PIK3CG: variants seen among roughly 807,000 people sequenced by gnomAD.
PIK3CG encodes phosphatidylinositol 4,5-bisphosphate 3-kinase catalytic subunit gamma isoform.
PIK3CG carries 55 observed loss-of-function variants against 102.3 expected under a neutral mutation model. The ratio of observed to expected loss-of-function variants is 0.54; its 90% CI spans 0.43 to 0.67. The LOEUF (loss-of-function observed/expected upper bound fraction) is 0.67, where lower values mean the gene tolerates loss of function less well. Ranked by LOEUF, PIK3CG falls within the 30% of genes least tolerant of loss-of-function variation. PIK3CG has a pLI of 0.00. For synonymous variants in PIK3CG, 552 were observed against 540.0 expected (o/e 1.02, Z -0.31); for missense variants, 1,258 against 1,391.8 (o/e 0.90, Z 1.53).
At chr7:106,878,738 G>A (rs1790844527) in intron 5 of PIK3CG, among the ~76,000 whole-genome samples, 1 of 152,180 alleles carries the variant, frequency 6.6e-6, no homozygotes, top group African/African-American at 2.4e-5. Context: ...TTCTTCCCCT[G>A]AATGTTTAAT....
Position 106,869,126 on chromosome 7 carries a change from A to C in PIK3CG, c.1565A>C (p.Asn522Thr), listed in dbSNP as rs61749915. 2 of 1,614,170 alleles carry C rather than the reference A, an allele frequency of 1.2e-6. No homozygotes were observed. Among genetic ancestry groups the C allele is most frequent in the East Asian group, 2.2e-5 (1 of 44,874 alleles). The change falls in exon 2 of 11, where the codon AAT becomes ACT. Residue 522 changes from asparagine to threonine, a missense_variant. This residue lies in a region of PIK3CG where 832 missense variants were observed against 787.5 expected (regional missense o/e 1.06). Transcript: ENST00000496166. This position sits in a 1 kb window ranked among gnomAD's most constrained non-coding sequence, Gnocchi z 5.3. ...NSMSISILLD[N>T]YCHPIALPKH... ...ATGTCCATCTCCATTCTTCTGGACA[A>C]TTACTGCCACCCGATAGCCCTGCCT...
chr7:106,868,886 C>G lies in PIK3CG; in HGVS notation c.1325C>G (p.Ser442Cys). ...TACTGCGGTAAAGCTCCAGCACTGT[C>G]CAGCAAGGCCTCTGCAGAGTCCCCC... ...QIYCGKAPAL[S>C]SKASAESPSS... is the part of the protein sequence containing the mutation. The change falls in exon 2 of 11, where the codon TCC (serine) becomes TGC (cysteine). Residue 442 changes from serine to cysteine, a missense_variant. Around this residue, in one of 2 missense-constraint regions of PIK3CG, gnomAD observed 832 missense variants for 787.5 expected, o/e 1.06. Transcript: ENST00000496166. The surrounding 1 kb of genome is among the most constrained non-coding windows in gnomAD (Gnocchi z 6.2). 1.9e-6 allele frequency: 3 copies of G among 1,614,152 alleles called. No homozygotes were observed. Among genetic ancestry groups the G allele is most frequent in the Non-Finnish European group, 2.5e-6 (3 of 1,180,024 alleles).
At position 106,908,273 on chromosome 7, in the gene PIK3CG, G is replaced by A. The variant is rs538456131; in HGVS notation, c.*2886G>A. ...CATGAGGCTCTGTGTGACTGCATGG[G>A]TCCATGAGACCAGCACTGTGTGGGT... On this transcript the variant is annotated 3_prime_UTR_variant, in exon 11 of 11. Transcript: ENST00000496166. This position sits in a 1 kb window ranked among gnomAD's most constrained non-coding sequence, Gnocchi z 4.1. 6.6e-6 allele frequency among the ~76,000 whole-genome samples: 1 copy of A among 152,326 alleles called. No individual in the cohort carries two copies. Among genetic ancestry groups the A allele is most frequent in the Admixed American group, 6.5e-5 (1 of 15,304 alleles).
intron 10 of PIK3CG, among the ~76,000 whole-genome samples, chr7:106,887,661 C>A (rs1791138997): frequency 6.6e-6 from 1 of 152,004 alleles, no homozygotes; most frequent in South Asian, 2.1e-4. Flanking sequence ...GAGTTTCAGG[C>A]TATTTCCAGG....
chr7:106,865,819 C>T (rs1456364537), intron 1 of PIK3CG: 3 of 152,166 alleles, frequency 2.0e-5, no homozygotes, highest in Admixed American at 2.0e-4. Context: ...CTTATAAGAT[C>T]GTTTGGTATC....
rs376299201 is a variant in PIK3CG, at chr7:106,893,710, A to G, written c.3030+7418A>G. ...ACAGATTATGTCCTTTTAGCTAGAGATATATTTGAAGACTTCCTATAGCAA... is the reference window on the plus strand; with the variant it reads ...ACAGATTATGTCCTTTTAGCTAGAGGTATATTTGAAGACTTCCTATAGCAA... On this transcript the variant is annotated intron_variant, in intron 10 of 10. Transcript: ENST00000496166. This position sits in a 1 kb window ranked among gnomAD's most constrained non-coding sequence, Gnocchi z 4.4. Among the ~76,000 whole-genome samples the G allele has an allele frequency of 3.3e-5, 5 of 152,324 alleles. No individual in the cohort carries two copies. Among genetic ancestry groups the G allele is most frequent in the African/African-American group, 1.2e-4 (5 of 41,564 alleles).
chr7:106,893,355 C>T lies in PIK3CG; in HGVS notation c.3030+7063C>T, dbSNP rs766041513. ...GTTTGAATATGTTGGTGTGATATCT[C>T]CCCCATATGCAGACTTGTGCGGCTT... On this transcript the variant is annotated intron_variant, in intron 10 of 10. Coordinates refer to ENST00000496166, the MANE Select transcript of PIK3CG (RefSeq NM_001282426.2). The surrounding 1 kb of genome is among the most constrained non-coding windows in gnomAD (Gnocchi z 4.4). 5.0e-4 allele frequency among the ~76,000 whole-genome samples: 76 copies of T among 152,210 alleles called. No individual in the cohort carries two copies. The highest frequency in any genetic ancestry group is 9.0e-4 in the Non-Finnish European group (61 of 68,004).
In PIK3CG at chr7:106,879,237, G is replaced by T. The variant is rs949185838; in HGVS notation, c.2392-282G>T. 2.6e-5 allele frequency among the ~76,000 whole-genome samples: 4 copies of T among 152,074 alleles called. No individual in the cohort carries two copies. The highest frequency in any genetic ancestry group is 9.7e-5 in the African/African-American group (4 of 41,378). Reference sequence around the variant, plus strand: ...GTCAGAGCTCTGTGTGCGTGGGGAGGGTGAGATCTGCCATACCTCTTAGGC... The same window carrying T: ...GTCAGAGCTCTGTGTGCGTGGGGAGTGTGAGATCTGCCATACCTCTTAGGC... On this transcript the variant is annotated intron_variant, in intron 5 of 10. Transcript: ENST00000496166. This position sits in a 1 kb window ranked among gnomAD's most constrained non-coding sequence, Gnocchi z 4.9.
chr7:106,888,166 C>T (rs796455369), intron 10 of PIK3CG, among the ~76,000 whole-genome samples: 17 of 152,148 alleles, frequency 1.1e-4, no homozygotes, highest in African/African-American at 4.1e-4. Flanking sequence ...GTCTCTATCT[C>T]TCGACCTTGT....
chr7:106,886,741 G>A, intron 10 of PIK3CG, among the ~76,000 whole-genome samples: 1 of 152,198 alleles, frequency 6.6e-6, no homozygotes, highest in East Asian at 1.9e-4. Flanking sequence ...TTCTCGATGT[G>A]CCAACTGGGC....
chr7:106,887,770 C>T (rs1020572288), intron 10 of PIK3CG, among the ~76,000 whole-genome samples: 1 of 151,830 alleles, frequency 6.6e-6, no homozygotes, highest in African/African-American at 2.4e-5. Flanking sequence ...AAAAGAAAGC[C>T]CTGGAAGAAT....
At chr7:106,871,440 T>C (rs536097697) in intron 2 of PIK3CG, among the ~76,000 whole-genome samples, 1 of 152,330 alleles carries the variant, frequency 6.6e-6, no homozygotes, top group Non-Finnish European at 1.5e-5. Flanking sequence ...CCACTAGTGA[T>C]CATGTCCAAA....
At position 106,872,837 on chromosome 7, in the gene PIK3CG, T is replaced by A. The variant is rs1335536656; in HGVS notation, c.2186T>A (p.Leu729Gln). ...CTGAGGGGCTGTGGCACAGCCATGC[T>A]GCACGACTTTACCCAACAAGTCCAA... ...AYLRGCGTAM[L>Q]HDFTQQVQVI... Residue 729 changes from leucine to glutamine, a missense_variant, in exon 4 of 11, where the codon CTG (leucine) becomes CAG (glutamine). By Grantham distance (113) the Leu-to-Gln change is moderately radical. Coordinates refer to ENST00000496166, the MANE Select transcript of PIK3CG (RefSeq NM_001282426.2). This position sits in a 1 kb window ranked among gnomAD's most constrained non-coding sequence, Gnocchi z 5.3. 1.2e-6 allele frequency: 2 copies of A among 1,614,000 alleles called. No homozygotes were observed. Among genetic ancestry groups the A allele is most frequent in the Non-Finnish European group, 1.7e-6 (2 of 1,179,928 alleles).
Position 106,880,411 on chromosome 7 carries a change from T to C in PIK3CG, c.2538+746T>C, listed in dbSNP as rs539826935. Among the ~76,000 whole-genome samples the C allele has an allele frequency of 9.2e-5, 14 of 152,342 alleles. No homozygotes were observed. Among genetic ancestry groups the C allele is most frequent in the African/African-American group, 3.4e-4 (14 of 41,568 alleles). On this transcript the variant is annotated intron_variant, in intron 6 of 10. Coordinates refer to ENST00000496166, the MANE Select transcript of PIK3CG (RefSeq NM_001282426.2). This position sits in a 1 kb window ranked among gnomAD's most constrained non-coding sequence, Gnocchi z 4.2. ...GTAAGTTTCTGTTTTTACTTATTTCTAATATAGAAACAGGAATACCTTTGC... is the reference window on the plus strand; with the variant it reads ...GTAAGTTTCTGTTTTTACTTATTTCCAATATAGAAACAGGAATACCTTTGC...
rs1210749363 is a variant in PIK3CG, at chr7:106,880,032, A to T, written c.2538+367A>T. ...TAGACATGTCTGCACATCTCTAGGC[A>T]CTCTTTTAGATACATCTCCTCTGAT... On this transcript the variant is annotated intron_variant, in intron 6 of 10. Transcript: ENST00000496166. The surrounding 1 kb of genome is among the most constrained non-coding windows in gnomAD (Gnocchi z 4.2). Among the ~76,000 whole-genome samples the T allele has an allele frequency of 6.6e-6, 1 of 152,150 alleles. No individual in the cohort carries two copies. Among genetic ancestry groups the T allele is most frequent in the African/African-American group, 2.4e-5 (1 of 41,434 alleles).
In PIK3CG at chr7:106,877,313, G is replaced by A. The variant is rs141002310; in HGVS notation, c.2392-2206G>A. 1.4e-3 allele frequency among the ~76,000 whole-genome samples: 209 copies of A among 152,326 alleles called. No homozygotes were observed. The highest frequency in any genetic ancestry group is 9.0e-4 in the Non-Finnish European group (61 of 68,032). ...ACATTGTTGATGGTTATAACTGGGA[G>A]AATGCTATTGGCATCTAGTGGGTAG... is the stretch of plus-strand genomic sequence containing the variant. On this transcript the variant is annotated intron_variant, in intron 5 of 10. Coordinates refer to ENST00000496166, the MANE Select transcript of PIK3CG (RefSeq NM_001282426.2). This position sits in a 1 kb window ranked among gnomAD's most constrained non-coding sequence, Gnocchi z 4.5.
In PIK3CG at chr7:106,905,295, G is replaced by A. The variant is rs1791659319; in HGVS notation, c.3217G>A (p.Glu1073Lys). ...TAAAAAGTATTTTCTTGATCAGATC[G>A]AAGTTTGCAGAGACAAAGGATGGAC... ...DAKKYFLDQI[E>K]VCRDKGWTVQ... Residue 1073 changes from glutamate to lysine, a missense_variant, in exon 11 of 11, where the codon GAA becomes AAA. By Grantham distance (56) the Glu-to-Lys change is moderately conservative. Transcript: ENST00000496166. This position sits in a 1 kb window ranked among gnomAD's most constrained non-coding sequence, Gnocchi z 5.6. 1.9e-6 allele frequency: 3 copies of A among 1,614,056 alleles called. No homozygotes were observed. Among genetic ancestry groups the A allele is most frequent in the Non-Finnish European group, 2.5e-6 (3 of 1,179,960 alleles).
chr7:106,900,513 A>G (rs1021235056), intron 10 of PIK3CG, among the ~76,000 whole-genome samples: 1 of 152,058 alleles, frequency 6.6e-6, no homozygotes, highest in African/African-American at 2.4e-5. Flanking sequence ...TTTTTATTCA[A>G]CTTGCCACTT....
At chr7:106,873,030 A>T (rs749087632) in intron 4 of PIK3CG, 92 bp downstream of exon 4, 1 of 950,522 alleles carries the variant, frequency 1.1e-6, no homozygotes, top group Non-Finnish European at 1.6e-6. Context: ...CTGGAATCCA[A>T]GTTGCATCCT....
Sources: gnomAD v4.1 joint callset for allele counts (sites outside exome capture counted in the v4.1 genomes callset) on GRCh38, gnomAD v4.1.1 for gene constraint, gnomAD v4.1.1 regional missense constraint, Gnocchi (gnomAD v3.1) non-coding constraint, MANE v1.5 for transcripts, NCBI Gene and HGNC (gene_info 2026-07-23, HGNC 2026-07-21) for gene names.